Variants in RHD observed in about 807,000 individuals in gnomAD.
RHD encodes the protein Rh blood group D antigen.
In RHD, 16 loss-of-function variants were observed where a neutral mutation model predicts 45.5. The observed-to-expected ratio is 0.35, with a 90% CI of 0.24 to 0.53. The LOEUF is 0.53. Among genes scored for constraint, RHD ranks in the 20% least tolerant of loss-of-function variants. RHD has a pLI of 0.92. For synonymous variants in RHD, 131 were observed against 217.5 expected, an observed-to-expected ratio of 0.60 and a Z score of 3.50; for missense variants, 306 against 532.0, an observed-to-expected ratio of 0.58 and a Z score of 4.18.
chr1:25,290,175 A>G (rs1642363509), intron 2 of RHD, among the ~76,000 whole-genome samples: 1 of 130,258 alleles, frequency 7.7e-6, no homozygotes, highest in South Asian at 2.3e-4. Context: ...GGAGACGGAG[A>G]GAAGGGACAG....
Position 25,293,074 on chromosome 1 carries a change from G to A in RHD, c.486+2283G>A, listed in dbSNP as rs529665476. ...TTGGCCAGGAGACCTTGGCATGCAT[G>A]GTTGTAGAGGAGGATGAAGGCAACA... On this transcript the variant is annotated intron_variant, in intron 3 of 9. Transcript: ENST00000328664. Among the ~76,000 whole-genome samples the A allele has an allele frequency of 3.8e-5, 5 of 131,442 alleles. 2 individuals carry two copies. Among genetic ancestry groups the A allele is most frequent in the Non-Finnish European group, 8.9e-5 (5 of 55,900 alleles). The allele number at this position is 131,442 out of a possible 152,430, so 86.2% of individuals were successfully genotyped here. A position where few individuals can be genotyped will look rare whatever the true frequency, so the allele number is the denominator to read the frequency against.
chr1:25,283,919 C>T (rs1641723751), intron 1 of RHD, among the ~76,000 whole-genome samples: 1 of 134,316 alleles, frequency 7.4e-6, no homozygotes, highest in Admixed American at 7.1e-5. Flanking sequence ...TGCGTCTCTT[C>T]CACTCACCTG....
Position 25,312,949 on chromosome 1 carries a change from A to AAAAAAAC in RHD, c.1074-4050_1074-4044dup, listed in dbSNP as rs1376741676. Among the ~76,000 whole-genome samples, 20 of 112,056 alleles carry AAAAAAAC rather than the reference A, an allele frequency of 1.8e-4. 3 individuals are homozygous for AAAAAAAC. The highest frequency in any genetic ancestry group is 6.3e-4 in the Admixed American group (7 of 11,106). 73.5% of individuals were successfully genotyped at this position (112,056 alleles called of 152,430 possible). On this transcript the variant is annotated intron_variant, in intron 7 of 9. Coordinates refer to ENST00000328664, the MANE Select transcript of RHD (RefSeq NM_016124.6). ...AAAAAAAAAAAAAAAAAAAAAAAAA[A>AAAAAAAC]AAAAAACTTTAGTGCTATTGGAATG...
chr1:25,292,049 T>G (rs933226024), intron 3 of RHD, among the ~76,000 whole-genome samples: 1 of 132,758 alleles, frequency 7.5e-6, no homozygotes, highest in African/African-American at 2.6e-5. Context: ...AATCCCTGTG[T>G]GACTCTGGGC....
At chr1:25,293,675 A>G (rs1016923520) in intron 3 of RHD, among the ~76,000 whole-genome samples, 1 of 131,690 alleles carries the variant, frequency 7.6e-6, no homozygotes, top group African/African-American at 2.6e-5. Context: ...TCCCTAGTAT[A>G]TGTAACCATC....
Position 25,303,804 on chromosome 1 carries a change from T to C in RHD, c.939+345T>C, listed in dbSNP as rs1329783112. Among the ~76,000 whole-genome samples the C allele has an allele frequency of 1.5e-5, 2 of 131,012 alleles. 1 individual carries two copies. Among genetic ancestry groups the C allele is most frequent in the Non-Finnish European group, 3.6e-5 (2 of 55,504 alleles). The allele number at this position is 131,012 out of a possible 152,430, so 85.9% of individuals were successfully genotyped here. ...TTGCTTTTCCTGAATATCTGCTTTA[T>C]TCTTACTCTATAGACATGCTTCCTC... On this transcript the variant is annotated intron_variant, in intron 6 of 9. Transcript: ENST00000328664.
chr1:25,315,207 T>C (rs1454165567), intron 7 of RHD, among the ~76,000 whole-genome samples: 2 of 130,382 alleles, frequency 1.5e-5, no homozygotes, highest in East Asian at 3.9e-4. Context: ...ATTTTTTTCC[T>C]AAAAATCACT....
rs1166812020 is a variant in RHD, at chr1:25,301,605, C to T, written c.720C>T (p.Asn240=). 4 of 1,380,174 alleles carry T rather than the reference C, an allele frequency of 2.9e-6. No homozygotes were observed. Among genetic ancestry groups the T allele is most frequent in the South Asian group, 1.2e-5 (1 of 84,948 alleles). The allele number at this position is 1,380,174 out of a possible 1,614,324, so 85.5% of individuals were successfully genotyped here. A position where few individuals can be genotyped will look rare whatever the true frequency, so the allele number is the denominator to read the frequency against. The part of the protein sequence containing the change: ...SPIERKNAVF[N]TYYAVAVSVV... Reference sequence around the variant, plus strand: ...TCGAAAGGAAGAATGCCGTGTTCAACACCTACTATGCTGTAGCAGTCAGCG... The same window carrying T: ...TCGAAAGGAAGAATGCCGTGTTCAATACCTACTATGCTGTAGCAGTCAGCG... Residue 240 remains asparagine, a synonymous_variant, in exon 5 of 10, where the codon AAC becomes AAT. Coordinates refer to ENST00000328664, the MANE Select transcript of RHD (RefSeq NM_016124.6).
At position 25,322,185 on chromosome 1, in the gene RHD, T is replaced by A. The variant is rs578103987; in HGVS notation, c.1227+223T>A. Among the ~76,000 whole-genome samples, 2 of 131,508 alleles carry A rather than the reference T, an allele frequency of 1.5e-5. 1 individual carries two copies. The highest frequency in any genetic ancestry group is 3.6e-5 in the Non-Finnish European group (2 of 55,390). The allele number at this position is 131,508 out of a possible 152,430, so 86.3% of individuals were successfully genotyped here. On this transcript the variant is annotated intron_variant, in intron 9 of 9. Coordinates refer to ENST00000328664, the MANE Select transcript of RHD (RefSeq NM_016124.6). Reference sequence around the variant, plus strand: ...GTCACCATTTCCCTGATACCTCAAATTCATTCAGAGTCAGGGATGAGACAG... The same window carrying A: ...GTCACCATTTCCCTGATACCTCAAAATCATTCAGAGTCAGGGATGAGACAG...
chr1:25,285,412 A>G lies in RHD; in HGVS notation c.335+653A>G, dbSNP rs186814057. Reference sequence around the variant, plus strand: ...GCCTCCCAAAGTGCTGGGATTACAGACATGAGCCACCGCGTCCAGCCTGAG... The same window carrying G: ...GCCTCCCAAAGTGCTGGGATTACAGGCATGAGCCACCGCGTCCAGCCTGAG... On this transcript the variant is annotated intron_variant, in intron 2 of 9. Coordinates refer to ENST00000328664, the MANE Select transcript of RHD (RefSeq NM_016124.6). 5.3e-3 allele frequency among the ~76,000 whole-genome samples: 721 copies of G among 134,878 alleles called. 95 individuals carry two copies. The highest frequency in any genetic ancestry group is 0.016 in the African/African-American group (606 of 39,096). 88.5% of individuals were successfully genotyped at this position (134,878 alleles called of 152,430 possible).
intron 7 of RHD, among the ~76,000 whole-genome samples, chr1:25,312,936 A>AAAAAAAAAAAAAAAAAAAAC (rs1362256178): frequency 9.6e-6 from 1 of 104,314 alleles, no homozygotes; most frequent in Non-Finnish European, 2.3e-5. Context: ...AAAAAAAAAA[A>AAAAAAAAAAAAAAAAAAAAC]AAAAAAAAAA....
At chr1:25,311,939 A>G (rs1644171854) in intron 7 of RHD, among the ~76,000 whole-genome samples, 1 of 130,584 alleles carries the variant, frequency 7.7e-6, no homozygotes, top group Non-Finnish European at 1.8e-5. Flanking sequence ...CCCCTAGTAG[A>G]GCAGGGTCTA....
rs577861373 is a variant in RHD at position 25,296,020 on chromosome 1, G to A, written c.487-4926G>A. Among the ~76,000 whole-genome samples, 6 of 117,212 alleles carry A rather than the reference G, an allele frequency of 5.1e-5. 1 individual carries two copies. Among genetic ancestry groups the A allele is most frequent in the Non-Finnish European group, 6.0e-5 (3 of 49,650 alleles). 76.9% of individuals were successfully genotyped at this position (117,212 alleles called of 152,430 possible). A position where few individuals can be genotyped will look rare whatever the true frequency, so the allele number is the denominator to read the frequency against. On this transcript the variant is annotated intron_variant, in intron 3 of 9. Transcript: ENST00000328664. ...TGAGATTACAGGCACACACCACCAC[G>A]CCTGGCTTACTTTTGTATTTTTAGT...
At position 25,313,372 on chromosome 1, in the gene RHD, T is replaced by C. The variant is rs548357149; in HGVS notation, c.1074-3628T>C. Among the ~76,000 whole-genome samples the C allele has an allele frequency of 1.6e-4, 21 of 132,826 alleles. 3 individuals carry two copies. In the South Asian group the frequency reaches 3.7e-3, roughly 23 times the overall value. 87.1% of individuals were successfully genotyped at this position (132,826 alleles called of 152,430 possible). A position where few individuals can be genotyped will look rare whatever the true frequency, so the allele number is the denominator to read the frequency against. ...ATTCTGTGGTATTCTGTTATAGCAA[T>C]AGAAAATGAACTGAGATAATATACA... On this transcript the variant is annotated intron_variant, in intron 7 of 9. Transcript: ENST00000328664.
At chr1:25,275,722 C>A (rs1424257353) in intron 1 of RHD, among the ~76,000 whole-genome samples, 4 of 132,794 alleles carry the variant, frequency 3.0e-5, no homozygotes, top group African/African-American at 1.0e-4. Flanking sequence ...GTGTCAATCT[C>A]CAGGCAGGGT....
At chr1:25,315,611 C>T (rs558172144) in intron 7 of RHD, among the ~76,000 whole-genome samples, 1 of 126,786 alleles carries the variant, frequency 7.9e-6, no homozygotes, top group Non-Finnish European at 1.9e-5. Context: ...GTTCTCCTGC[C>T]TCAGCCTCCT....
intron 7 of RHD, among the ~76,000 whole-genome samples, chr1:25,309,397 T>C (rs192276517): frequency 1.5e-5 from 2 of 131,716 alleles, no homozygotes; most frequent in East Asian, 3.9e-4. Flanking sequence ...CTCTTTTGAA[T>C]AGCAGAGAAA....
At chr1:25,275,304 T>G in intron 1 of RHD, among the ~76,000 whole-genome samples, 1 of 130,558 alleles carries the variant, frequency 7.7e-6, no homozygotes, top group Non-Finnish European at 1.8e-5. Flanking sequence ...ATAATAGTAA[T>G]AAATAAAAAT....
At position 25,307,716 on chromosome 1, in the gene RHD, G is replaced by A. The variant is rs1191152308; in HGVS notation, c.1073+987G>A. 3.5e-5 allele frequency: 46 copies of A among 1,308,404 alleles called. 13 individuals are homozygous for A. The highest frequency in any genetic ancestry group is 4.5e-5 in the Non-Finnish European group (43 of 950,346). 81.0% of individuals were successfully genotyped at this position (1,308,404 alleles called of 1,614,324 possible). A position where few individuals can be genotyped will look rare whatever the true frequency, so the allele number is the denominator to read the frequency against. On this transcript the variant is annotated intron_variant, in intron 7 of 9. Transcript: ENST00000328664. Reference sequence around the variant, plus strand: ...ATGAGGAGCTGATGCGTTTGGACGTGTCTCAGAGAAATCATGGAGGCGCTG... The same window carrying A: ...ATGAGGAGCTGATGCGTTTGGACGTATCTCAGAGAAATCATGGAGGCGCTG...
Sources: gnomAD v4.1 joint callset for allele counts (sites outside exome capture counted in the v4.1 genomes callset) on GRCh38, gnomAD v4.1.1 for gene constraint, MANE v1.5 for transcripts, NCBI Gene and HGNC (gene_info 2026-07-23, HGNC 2026-07-21) for gene names.